CBX5: variants seen among roughly 807,000 people sequenced by gnomAD.
CBX5 encodes chromobox 5.
Under a neutral mutation model 20.7 loss-of-function variants are expected in CBX5, and 7 were observed. The observed-to-expected ratio is 0.34, with a 90% CI of 0.19 to 0.63. CBX5 has a LOEUF of 0.63. CBX5 is among the 30% of genes least tolerant of loss of function. The pLI is 0.75. For synonymous variants in CBX5, 78 were observed against 77.0 expected (o/e 1.01, Z -0.07); for missense variants, 110 against 224.1 (o/e 0.49, Z 3.25).
chr12:54,275,487 C>T (rs1470841705), intron 1 of CBX5, among the ~76,000 whole-genome samples: 2 of 151,912 alleles, frequency 1.3e-5, no homozygotes, highest in African/African-American at 4.8e-5. Context: ...ATGATCTGCC[C>T]GCCTCGGCCT....
chr12:54,252,382 C>G, intron 2 of CBX5, 155 bp from the exon 3 acceptor site: 1 of 448,324 alleles, frequency 2.2e-6, no homozygotes, highest in East Asian at 3.6e-5. Context: ...TAGATTTCTA[C>G]CCAGGAAAAA....
chr12:54,279,005 T>C (rs1944099277), intron 1 of CBX5: 1 of 152,222 alleles, frequency 6.6e-6, no homozygotes, highest in Non-Finnish European at 1.5e-5. Flanking sequence ...ACAATCGACT[T>C]CATTTTTTAT....
At position 54,236,868 on chromosome 12, in the gene CBX5, C is replaced by T. The variant is rs1338977953; in HGVS notation, c.*4887G>A. On this transcript the variant is annotated 3_prime_UTR_variant, in exon 5 of 5. Coordinates refer to ENST00000209875, the MANE Select transcript of CBX5 (RefSeq NM_012117.3). The stretch of plus-strand genomic sequence containing the variant: ...ACCTTAGGAAAGCTGGGGTAAACTA[C>T]AGATTCAACAAAATCTCAATAAGAA... 1 of 152,188 alleles carries T rather than the reference C, an allele frequency of 6.6e-6. No individual in the cohort carries two copies. Among genetic ancestry groups the T allele is most frequent in the Non-Finnish European group, 1.5e-5 (1 of 68,040 alleles). 9.4% of individuals were successfully genotyped at this position (152,188 alleles called of 1,614,324 possible). A position where few individuals can be genotyped will look rare whatever the true frequency, so the allele number is the denominator to read the frequency against.
At position 54,245,663 on chromosome 12, in the gene CBX5, T is replaced by G. The variant is rs142491227; in HGVS notation, c.425+452A>C. On this transcript the variant is annotated intron_variant, in intron 4 of 4. Transcript: ENST00000209875. Reference sequence around the variant, plus strand: ...AAAAGTAGCCAGGTATGGTGGCACATGCCTGTAATCCCAGCTACTCGGGAG... The same window carrying G: ...AAAAGTAGCCAGGTATGGTGGCACAGGCCTGTAATCCCAGCTACTCGGGAG... Among the ~76,000 whole-genome samples the G allele has an allele frequency of 3.4e-3, 512 of 152,106 alleles. 17 individuals carry two copies. The East Asian group carries it at 0.085, about 25-fold the overall frequency.
At chr12:54,251,118 G>A (rs570917640) in intron 3 of CBX5, among the ~76,000 whole-genome samples, 3 of 151,018 alleles carry the variant, frequency 2.0e-5, no homozygotes, top group African/African-American at 4.9e-5. Flanking sequence ...GTGACAGAGC[G>A]ATATTCTGTC....
intron 3 of CBX5, among the ~76,000 whole-genome samples, chr12:54,246,797 A>AG (rs1353505413): frequency 2.0e-4 from 31 of 151,824 alleles, no homozygotes; most frequent in African/African-American, 7.0e-4. Context: ...AAAAAAAAAA[A>AG]AAAGAAAAGG....
Position 54,267,003 on chromosome 12 carries a change from A to C in CBX5, c.-42-9311T>G, listed in dbSNP as rs1166197729. On this transcript the variant is annotated intron_variant, in intron 1 of 4. Transcript: ENST00000209875. Reference sequence around the variant, plus strand: ...TTATGAGAAAGCAGAATTTGGCACCACCATGGGAAAATGCCTTCCAGATGG... The same window carrying C: ...TTATGAGAAAGCAGAATTTGGCACCCCCATGGGAAAATGCCTTCCAGATGG... Among the ~76,000 whole-genome samples, 4 of 152,306 alleles carry C rather than the reference A, an allele frequency of 2.6e-5. No individual in the cohort carries two copies. The South Asian group carries it at 6.2e-4, about 24-fold the overall frequency.
chr12:54,268,327 ATTGACAT>A (rs1029027502), intron 1 of CBX5, among the ~76,000 whole-genome samples: 2 of 152,182 alleles, frequency 1.3e-5, no homozygotes, highest in African/African-American at 4.8e-5. Flanking sequence ...AAGTGTCTCT[ATTGACAT>A]TTAAGTTGAG....
chr12:54,254,898 A>G (rs1943848275), intron 2 of CBX5, among the ~76,000 whole-genome samples: 1 of 152,026 alleles, frequency 6.6e-6, no homozygotes, highest in East Asian at 1.9e-4. Context: ...TCACACAGTA[A>G]CTTTCCCCAA....
At position 54,280,019 on chromosome 12, in the gene CBX5, A is replaced by G. The variant is rs1944122019; in HGVS notation, c.-54T>C. On this transcript the variant is annotated 5_prime_UTR_variant, in exon 1 of 5. Coordinates refer to ENST00000209875, the MANE Select transcript of CBX5 (RefSeq NM_012117.3). ...TGTCTGCCACTTACCCGGGATTGAG[A>G]GTGATCACTCACGCTAACGTCTGCC... The G allele has an allele frequency of 6.5e-6, 1 of 153,976 alleles. No individual in the cohort carries two copies. The highest frequency in any genetic ancestry group is 1.5e-5 in the Non-Finnish European group (1 of 68,846). 9.5% of individuals were successfully genotyped at this position (153,976 alleles called of 1,614,324 possible).
intron 2 of CBX5, among the ~76,000 whole-genome samples, chr12:54,256,809 T>A (rs1943866444): frequency 6.6e-6 from 1 of 152,132 alleles, no homozygotes; most frequent in South Asian, 2.1e-4. Context: ...TCCCAGCACT[T>A]TGGGAGGCCA....
intron 3 of CBX5, among the ~76,000 whole-genome samples, chr12:54,247,672 C>T (rs1003088343): frequency 3.9e-5 from 6 of 151,962 alleles, no homozygotes; most frequent in Admixed American, 6.6e-5. Context: ...AAATTTTATA[C>T]AAGCCAGGTA....
At chr12:54,249,338 CT>C (rs1943768696) in intron 3 of CBX5, among the ~76,000 whole-genome samples, 1 of 150,202 alleles carries the variant, frequency 6.7e-6, no homozygotes, top group African/African-American at 2.5e-5. Flanking sequence ...GCACTCCAGC[CT>C]GGGCAACAGA....
intron 2 of CBX5, among the ~76,000 whole-genome samples, chr12:54,254,331 C>CA (rs34812446): frequency 0.018 from 956 of 54,316 alleles, 8 homozygotes; most frequent in Middle Eastern, 0.049. Flanking sequence ...AACTCCATCT[C>CA]AAAAAAAAAA....
rs1257181379 is a variant in CBX5 at position 54,238,574 on chromosome 12, GA to G, written c.*3180del. On this transcript the variant is annotated 3_prime_UTR_variant, in exon 5 of 5. Coordinates refer to ENST00000209875, the MANE Select transcript of CBX5 (RefSeq NM_012117.3). ...ATTTTAAATAAAAATTATATTGTCT[GA>G]AAGACAATACAATTTTAGTACTGGG... 7.9e-5 allele frequency: 12 copies of G among 152,104 alleles called. No individual in the cohort carries two copies. The highest frequency in any genetic ancestry group is 7.9e-4 in the Admixed American group (12 of 15,274). 9.4% of individuals were successfully genotyped at this position (152,104 alleles called of 1,614,324 possible). A position where few individuals can be genotyped will look rare whatever the true frequency, so the allele number is the denominator to read the frequency against.
chr12:54,257,443 T>C, intron 2 of CBX5, 71 bp downstream of exon 2: 1 of 1,514,742 alleles, frequency 6.6e-7, no homozygotes, highest in Non-Finnish European at 9.0e-7. Context: ...ATGCTTGTGA[T>C]TCCTAAGGAA....
chr12:54,255,845 C>G (rs1943858134), intron 2 of CBX5: 1 of 152,696 alleles, frequency 6.5e-6, no homozygotes, highest in East Asian at 1.9e-4. Flanking sequence ...CTCCTGGACT[C>G]AAGCAATCCT....
At chr12:54,258,026 T>G (rs1315469481) in intron 1 of CBX5, 1 of 170,034 alleles carries the variant, frequency 5.9e-6, no homozygotes, top group Non-Finnish European at 1.2e-5. Context: ...CAAACAGAAA[T>G]GTGCAAAATC....
intron 1 of CBX5, among the ~76,000 whole-genome samples, chr12:54,270,653 T>C (rs1344529558): frequency 6.6e-6 from 1 of 152,222 alleles, no homozygotes; most frequent in Non-Finnish European, 1.5e-5. Flanking sequence ...TTCCTCTTTG[T>C]AGGTGGGTTA....
Sources: allele counts gnomAD v4.1 joint callset (sites outside exome capture counted in the v4.1 genomes callset), GRCh38; gene constraint gnomAD v4.1.1; transcripts MANE v1.5; gene names NCBI Gene and HGNC (gene_info 2026-07-23, HGNC 2026-07-21).